Variants in OSBPL10 observed in about 807,000 individuals in gnomAD.
OSBPL10 encodes oxysterol-binding protein-related protein 10.
In OSBPL10, 49 loss-of-function variants were observed where a neutral mutation model predicts 81.7. That is an observed-to-expected ratio of 0.60 (90% CI 0.48 to 0.76). OSBPL10 has a LOEUF of 0.76. OSBPL10 is among the 30% of genes least tolerant of loss of function. The pLI is 0.00. For synonymous variants in OSBPL10, 419 were observed against 383.6 expected (o/e 1.09, Z -1.08); for missense variants, 923 against 987.8 (o/e 0.93, Z 0.88).
chr3:31,737,201 G>A (rs755445866), intron 5 of OSBPL10, among the ~76,000 whole-genome samples: 213 of 152,274 alleles, frequency 1.4e-3, no homozygotes, highest in Non-Finnish European at 1.6e-3. Context: ...TGAGAAAGAC[G>A]CCCATCTCAG....
In OSBPL10 at chr3:31,899,267, T is replaced by C. The variant is rs150480894; in HGVS notation, c.282-19437A>G. Among the ~76,000 whole-genome samples, 162 of 152,062 alleles carry C rather than the reference T, an allele frequency of 1.1e-3. 5 individuals carry two copies. The East Asian group carries it at 0.023, about 22-fold the overall frequency. ...ACTTCAAACCTTTTAAAGCTTAATA[T>C]GGATGGTAAAGTTTCAAGGGAAACC... On this transcript the variant is annotated intron_variant, in intron 1 of 11. Transcript: ENST00000396556.
At chr3:31,947,093 G>A (rs921400058) in intron 1 of OSBPL10, among the ~76,000 whole-genome samples, 21 of 152,160 alleles carry the variant, frequency 1.4e-4, no homozygotes, top group Admixed American at 5.2e-4. Context: ...ACTAGAGAAC[G>A]AGACACAGCA....
rs557553701 is a variant in OSBPL10 at position 31,763,045 on chromosome 3, C to T, written c.730-14925G>A. On this transcript the variant is annotated intron_variant, in intron 4 of 11. Transcript: ENST00000396556. ...TGGCCTATCCACCCGCCAATTCATC[C>T]GGAACGGAATGAGAACACACACAGC... Among the ~76,000 whole-genome samples, 176 of 152,168 alleles carry T rather than the reference C, an allele frequency of 1.2e-3. 1 individual carries two copies. The highest frequency in any genetic ancestry group is 4.0e-3 in the African/African-American group (168 of 41,500).
rs562380808 is a variant in OSBPL10 at position 31,903,505 on chromosome 3, C to T, written c.282-23675G>A. On this transcript the variant is annotated intron_variant, in intron 1 of 11. Coordinates refer to ENST00000396556, the MANE Select transcript of OSBPL10 (RefSeq NM_017784.5). ...ACACCACCCAGCTAATCTTTAAAAA[C>T]TCTTTTGTAGAGACAGGGTTCCACT... Among the ~76,000 whole-genome samples the T allele has an allele frequency of 4.2e-4, 64 of 152,162 alleles. 1 individual carries two copies. The South Asian group carries it at 0.013, about 31-fold the overall frequency.
intron 6 of OSBPL10, among the ~76,000 whole-genome samples, chr3:31,703,224 T>G (rs981258800): frequency 6.6e-6 from 1 of 152,228 alleles, no homozygotes; most frequent in Admixed American, 6.5e-5. Context: ...AAGGGGATTA[T>G]TGCACATAAA....
chr3:32,050,492 A>T (rs1699661353), intron 1 of OSBPL10, among the ~76,000 whole-genome samples: 1 of 152,162 alleles, frequency 6.6e-6, no homozygotes, highest in Middle Eastern at 3.2e-3. Flanking sequence ...TAAATCTTGA[A>T]AAAACTTCTA....
At chr3:31,728,445 A>G (rs1185009657) in intron 6 of OSBPL10, among the ~76,000 whole-genome samples, 1 of 152,220 alleles carries the variant, frequency 6.6e-6, no homozygotes, top group African/African-American at 2.4e-5. Flanking sequence ...AATTAACACA[A>G]CATTATTTTT....
chr3:31,831,913 T>C (rs1700252284), intron 3 of OSBPL10, among the ~76,000 whole-genome samples: 1 of 152,218 alleles, frequency 6.6e-6, no homozygotes, highest in African/African-American at 2.4e-5. Context: ...GGTGAAATGC[T>C]ATATGTCCCT....
At chr3:31,965,568 A>G (rs1451818021) in intron 1 of OSBPL10, among the ~76,000 whole-genome samples, 2 of 80,996 alleles carry the variant, frequency 2.5e-5, no homozygotes, top group African/African-American at 5.2e-5. Context: ...TAAATTATAT[A>G]TTATATAATA....
Position 31,981,170 on chromosome 3 carries a change from C to G in OSBPL10, c.10G>C (p.Ala4Pro). 1 of 1,477,726 alleles carries G rather than the reference C, an allele frequency of 6.8e-7. No homozygotes were observed. The highest frequency in any genetic ancestry group is 8.9e-7 in the Non-Finnish European group (1 of 1,119,308). 91.5% of individuals were successfully genotyped at this position (1,477,726 alleles called of 1,614,324 possible). A position where few individuals can be genotyped will look rare whatever the true frequency, so the allele number is the denominator to read the frequency against. ...CCGCCGCCGTCTGTGCCCTGGACTG[C>G]CCTCTCCATGGTCCGTGGGCGCCCG... MER[A>P]VQGTDGGGGS... The change falls in exon 1 of 12, where the codon GCA becomes CCA. Residue 4 changes from alanine (A) to proline (P), a missense_variant. Around this residue, in one of 3 missense-constraint regions of OSBPL10, gnomAD observed 514 missense variants for 508.0 expected, o/e 1.01. Coordinates refer to ENST00000396556, the MANE Select transcript of OSBPL10 (RefSeq NM_017784.5). The surrounding 1 kb of genome is among the most constrained non-coding windows in gnomAD (Gnocchi z 4.5).
chr3:32,018,173 A>G (rs1174245676), intron 2 of OSBPL10, among the ~76,000 whole-genome samples: 2 of 151,414 alleles, frequency 1.3e-5, no homozygotes. Flanking sequence ...TAAATAAATA[A>G]ATAAATAAAT....
chr3:31,761,463 C>T (rs1575527383), intron 4 of OSBPL10, among the ~76,000 whole-genome samples: 1 of 140,724 alleles, frequency 7.1e-6, no homozygotes, highest in African/African-American at 2.7e-5. Flanking sequence ...CAGAGTGAGA[C>T]TCCATTTCAA....
chr3:31,816,422 G>A (rs4955205), intron 4 of OSBPL10, among the ~76,000 whole-genome samples: 104,723 of 152,036 alleles, frequency 0.69, 36,643 homozygotes, highest in East Asian at 0.93. Context: ...GGCTCCCTTC[G>A]CTTTCCAGAA....
At chr3:31,897,106 C>T (rs905132190) in intron 1 of OSBPL10, among the ~76,000 whole-genome samples, 1 of 152,152 alleles carries the variant, frequency 6.6e-6, no homozygotes, top group Non-Finnish European at 1.5e-5. Context: ...ATGACTTAGA[C>T]AGAAGAAGCA....
chr3:31,716,612 CCT>C (rs1182342650), intron 6 of OSBPL10, among the ~76,000 whole-genome samples: 1 of 152,178 alleles, frequency 6.6e-6, no homozygotes, highest in East Asian at 1.9e-4. Context: ...GCTACCAGCC[CCT>C]CAGATTCTCC....
intron 2 of OSBPL10, among the ~76,000 whole-genome samples, chr3:32,040,969 G>A (rs1699569226): frequency 6.6e-6 from 1 of 152,174 alleles, no homozygotes; most frequent in Admixed American, 6.5e-5. Flanking sequence ...GACAGTTTTA[G>A]CTAAAATAGA....
chr3:32,058,004 A>T (rs1473757424), intron 1 of OSBPL10, among the ~76,000 whole-genome samples: 3 of 152,256 alleles, frequency 2.0e-5, no homozygotes, highest in African/African-American at 7.2e-5. Flanking sequence ...GAATAATTCA[A>T]AGAATTAATA....
At chr3:31,734,169 G>A (rs1404766545) in intron 5 of OSBPL10, among the ~76,000 whole-genome samples, 4 of 152,134 alleles carry the variant, frequency 2.6e-5, no homozygotes, top group Non-Finnish European at 5.9e-5. Flanking sequence ...GCCCTCAGAC[G>A]TGGCTTGGTG....
intron 1 of OSBPL10, among the ~76,000 whole-genome samples, chr3:31,954,078 T>A (rs1697944434): frequency 6.6e-6 from 1 of 152,190 alleles, no homozygotes; most frequent in Admixed American, 6.5e-5. Context: ...ACAACAAAAA[T>A]CATTAAGAGA....
Sources: allele counts gnomAD v4.1 joint callset (sites outside exome capture counted in the v4.1 genomes callset), GRCh38; gene constraint gnomAD v4.1.1; regional missense constraint gnomAD v4.1.1; non-coding constraint Gnocchi (gnomAD v3.1); transcripts MANE v1.5; gene names NCBI Gene and HGNC (gene_info 2026-07-23, HGNC 2026-07-21).